Variants in SUPT3H observed in about 807,000 individuals in gnomAD.
SUPT3H encodes SPT3 homolog, SAGA and STAGA complex component, also known as transcription initiation protein SPT3 homolog.
A neutral mutation model predicts 44.3 loss-of-function variants in SUPT3H; 44 were observed. That is an observed-to-expected ratio of 0.99 (90% confidence interval 0.78 to 1.28). The LOEUF is 1.28. SUPT3H is among the 50% of genes most tolerant of loss of function. The pLI, the probability that SUPT3H is intolerant of heterozygous loss-of-function variation, is 0.00. For missense variants in SUPT3H, 380 were observed against 387.1 expected (o/e 0.98, Z 0.15); for synonymous variants, 124 against 125.6 (o/e 0.99, Z 0.09).
chr6:45,377,613 G>A (rs1490701300), intron 1 of SUPT3H, among the ~76,000 whole-genome samples, 155 bp downstream of exon 1: 1 of 152,130 alleles, frequency 6.6e-6, no homozygotes, highest in Non-Finnish European at 1.5e-5. Flanking sequence ...CTCCGGCGTA[G>A]ACCACGAAGA....
chr6:44,972,834 C>A (rs901425135), intron 6 of SUPT3H, among the ~76,000 whole-genome samples: 1 of 152,156 alleles, frequency 6.6e-6, no homozygotes, highest in Non-Finnish European at 1.5e-5. Context: ...TTTAGCCATG[C>A]TGGGACACAG....
At chr6:45,262,683 AG>A in intron 2 of SUPT3H, among the ~76,000 whole-genome samples, 1 of 152,184 alleles carries the variant, frequency 6.6e-6, no homozygotes, top group Non-Finnish European at 1.5e-5. Context: ...TCTGCACAGC[AG>A]AAGAAATTAT....
In SUPT3H at chr6:45,219,430, C is replaced by T. The variant is rs182088380; in HGVS notation, c.102-113424G>A. Among the ~76,000 whole-genome samples the T allele has an allele frequency of 3.3e-5, 5 of 151,796 alleles. No homozygotes were observed. In the East Asian group the frequency reaches 7.7e-4, roughly 23 times the overall value. ...AGAGAAAAGACACAAATCACAAACA[C>T]CAGGAATGAAAAAAACGACATTACC... is the stretch of plus-strand genomic sequence containing the variant. On this transcript the variant is annotated intron_variant, in intron 2 of 10. Transcript: ENST00000371459.
intron 2 of SUPT3H, chr6:45,159,259 T>C (rs541916759): frequency 3.3e-5 from 5 of 152,324 alleles, no homozygotes; most frequent in South Asian, 4.2e-4. Flanking sequence ...TTCAATGACA[T>C]TGATTCCACC....
intron 2 of SUPT3H, among the ~76,000 whole-genome samples, chr6:45,271,692 T>G (rs1454037049): frequency 4.7e-5 from 7 of 147,718 alleles, no homozygotes; most frequent in Admixed American, 4.7e-4. Context: ...ACTGCGGCAC[T>G]CCTTGGTGGA....
intron 2 of SUPT3H, among the ~76,000 whole-genome samples, chr6:45,259,298 G>A (rs1773951950): frequency 6.6e-6 from 1 of 152,004 alleles, no homozygotes; most frequent in Non-Finnish European, 1.5e-5. Context: ...AAGAATGGCT[G>A]CCTTTAGATA....
At chr6:45,326,533 G>C (rs1444413871) in intron 2 of SUPT3H, among the ~76,000 whole-genome samples, 1 of 151,734 alleles carries the variant, frequency 6.6e-6, no homozygotes, top group African/African-American at 2.4e-5. Context: ...ATACAATAAG[G>C]CATGATAAAT....
chr6:44,928,166 G>A (rs1582549611), intron 10 of SUPT3H, among the ~76,000 whole-genome samples: 1 of 152,084 alleles, frequency 6.6e-6, no homozygotes, highest in South Asian at 2.1e-4. Context: ...TTAGCTCCAG[G>A]ATCGAAGTTC....
At chr6:45,130,438 T>C (rs1209368148) in intron 2 of SUPT3H, among the ~76,000 whole-genome samples, 1 of 152,104 alleles carries the variant, frequency 6.6e-6, no homozygotes, top group Non-Finnish European at 1.5e-5. Context: ...GATGGACCTT[T>C]GGATTGTTTT....
At chr6:44,919,262 C>T (rs1206002335) in intron 10 of SUPT3H, among the ~76,000 whole-genome samples, 1 of 151,894 alleles carries the variant, frequency 6.6e-6, no homozygotes, top group East Asian at 1.9e-4. Flanking sequence ...TTGGATCTTA[C>T]CCAAAGCTAT....
chr6:45,142,010 T>C (rs1390246651), intron 2 of SUPT3H, among the ~76,000 whole-genome samples: 2 of 152,118 alleles, frequency 1.3e-5, no homozygotes, highest in Non-Finnish European at 2.9e-5. Flanking sequence ...TCAGGTAACC[T>C]ATAAGGGAAA....
intron 10 of SUPT3H, among the ~76,000 whole-genome samples, chr6:44,906,545 C>T (rs895517711): frequency 2.6e-5 from 4 of 152,090 alleles, no homozygotes; most frequent in Non-Finnish European, 4.4e-5. Context: ...GGGCGGATCA[C>T]GAGGTCAGGA....
intron 2 of SUPT3H, among the ~76,000 whole-genome samples, chr6:45,300,364 T>C (rs1781957314): frequency 1.3e-5 from 2 of 152,204 alleles, no homozygotes; most frequent in Non-Finnish European, 2.9e-5. Flanking sequence ...GTTAGTTCAA[T>C]TTGAAAGAAG....
intron 2 of SUPT3H, among the ~76,000 whole-genome samples, chr6:45,260,040 T>C (rs1774094362): frequency 6.6e-6 from 1 of 152,220 alleles, no homozygotes; most frequent in Admixed American, 6.5e-5. Flanking sequence ...CAAAAAGCAC[T>C]GTTCTTCATC....
intron 10 of SUPT3H, among the ~76,000 whole-genome samples, chr6:44,927,888 G>T (rs1769779813): frequency 6.6e-6 from 1 of 152,078 alleles, no homozygotes; most frequent in Non-Finnish European, 1.5e-5. Context: ...ACAGGCACAC[G>T]CATTTGAGTG....
At chr6:44,937,729 T>TA (rs200171384) in intron 9 of SUPT3H, among the ~76,000 whole-genome samples, 1,682 of 152,170 alleles carry the variant, frequency 0.011, 42 homozygotes, top group African/African-American at 0.039. Context: ...TGTCTTATTT[T>TA]AAAAAATGCC....
chr6:45,075,922 G>A (rs1794950625), intron 3 of SUPT3H, among the ~76,000 whole-genome samples: 1 of 152,060 alleles, frequency 6.6e-6, no homozygotes, highest in African/African-American at 2.4e-5. Flanking sequence ...AATGCCATGT[G>A]TCAAAGGGGG....
At chr6:45,131,085 G>A (rs76692895) in intron 2 of SUPT3H, among the ~76,000 whole-genome samples, 1 of 152,104 alleles carries the variant, frequency 6.6e-6, no homozygotes, top group Non-Finnish European at 1.5e-5. Context: ...TCTTCTCTCA[G>A]TGCTGTTGCT....
intron 3 of SUPT3H, among the ~76,000 whole-genome samples, chr6:45,076,945 G>A (rs548453718): frequency 7.1e-4 from 108 of 152,238 alleles, no homozygotes; most frequent in African/African-American, 2.4e-3. Flanking sequence ...ACCGAATATG[G>A]TTTGGTAGTT....
Sources: gnomAD v4.1 joint callset for allele counts (sites outside exome capture counted in the v4.1 genomes callset) on GRCh38, gnomAD v4.1.1 for gene constraint, MANE v1.5 for transcripts, NCBI Gene and HGNC (gene_info 2026-07-23, HGNC 2026-07-21) for gene names.